The following NKD1 variants were observed in gnomAD, a reference collection of about 807,000 sequenced individuals.
NKD1 encodes protein naked cuticle homolog 1.
A neutral mutation model predicts 56.0 loss-of-function variants in NKD1; 21 were observed. That is an observed-to-expected ratio of 0.38 (90% CI 0.27 to 0.54). The LOEUF (loss-of-function observed/expected upper bound fraction) is 0.54, where lower values mean the gene tolerates loss of function less well. Ranked by LOEUF, NKD1 falls within the 20% of genes least tolerant of loss-of-function variation. The pLI is 0.82. For synonymous variants in NKD1, 263 were observed against 265.7 expected, an observed-to-expected ratio of 0.99 and a Z score of 0.10; for missense variants, 578 against 642.7, an observed-to-expected ratio of 0.90 and a Z score of 1.09.
rs368508924 is a variant in NKD1 at position 50,632,344 on chromosome 16, C to G, written c.759C>G (p.Ile253Met). The change falls in exon 9 of 10, where the codon ATC (isoleucine) becomes ATG (methionine). Residue 253 changes from isoleucine to methionine, a missense_variant. Transcript: ENST00000268459. The surrounding 1 kb of genome is among the most constrained non-coding windows in gnomAD (Gnocchi z 4.1). ...GCYHHCVDEN[I>M]ERRNHYLDLA... ...ACCACCATTGCGTAGATGAGAACAT[C>G]GAGAGGAGAAACCACTACTTAGATC... is the stretch of plus-strand genomic sequence containing the variant. The G allele has an allele frequency of 6.2e-7, 1 of 1,614,008 alleles. No individual in the cohort carries two copies. The highest frequency in any genetic ancestry group is 1.7e-5 in the Admixed American group (1 of 60,012).
intron 3 of NKD1, chr16:50,575,098 T>G (rs1960964750): frequency 1.0e-6 from 1 of 964,440 alleles, no homozygotes; most frequent in East Asian, 1.1e-4. Flanking sequence ...AGTAGGTGTT[T>G]TTTTTTTTTT....
rs138964473 is a variant in NKD1 at position 50,598,262 on chromosome 16, T to TGTGTGTGTGTGTGTGTGTGTGCGCGC, written c.193-10031_193-10030insTGTGTGTGTGTGTGTGTGTGCGCGCG. On this transcript the variant is annotated intron_variant, in intron 3 of 9. Transcript: ENST00000268459. The surrounding 1 kb of genome is among the most constrained non-coding windows in gnomAD (Gnocchi z 4.2). ...GTGTGTGTGTGTGTGTGTGTGTGTG[T>TGTGTGTGTGTGTGTGTGTGTGCGCGC]GCGCGCACACCTGTGCTCATGGACA... Among the ~76,000 whole-genome samples, 9 of 148,670 alleles carry TGTGTGTGTGTGTGTGTGTGTGCGCGC rather than the reference T, an allele frequency of 6.1e-5. No individual in the cohort carries two copies. The highest frequency in any genetic ancestry group is 2.3e-4 in the African/African-American group (9 of 39,162).
intron 4 of NKD1, among the ~76,000 whole-genome samples, chr16:50,619,505 C>T (rs1025331397): frequency 2.6e-5 from 4 of 152,128 alleles, no homozygotes; most frequent in Admixed American, 1.3e-4. Context: ...CAAAGCTGCC[C>T]GCACAGGCTG....
chr16:50,572,640 C>T (rs1257311811), intron 3 of NKD1, among the ~76,000 whole-genome samples: 2 of 152,118 alleles, frequency 1.3e-5, no homozygotes, highest in African/African-American at 4.8e-5. Context: ...AGGGGATCTG[C>T]TGTGGGACTC....
chr16:50,586,690 G>T (rs1032288845), intron 3 of NKD1, among the ~76,000 whole-genome samples: 2 of 152,180 alleles, frequency 1.3e-5, no homozygotes, highest in Admixed American at 6.5e-5. Context: ...AGAGAGAAAA[G>T]TTCAACCCAT....
chr16:50,583,057 CTT>C (rs1474372571), intron 3 of NKD1, among the ~76,000 whole-genome samples: 1 of 152,154 alleles, frequency 6.6e-6, no homozygotes, highest in African/African-American at 2.4e-5. Flanking sequence ...CTGCTACCGA[CTT>C]GGGTGTTAGG....
chr16:50,567,548 T>C (rs1048949322), intron 3 of NKD1, among the ~76,000 whole-genome samples: 1 of 152,194 alleles, frequency 6.6e-6, no homozygotes, highest in African/African-American at 2.4e-5. Context: ...GTGAGTGCCT[T>C]TTACACTCTG....
chr16:50,635,654 C>T lies in NKD1; in HGVS notation c.*1873C>T, dbSNP rs1477236790. The stretch of plus-strand genomic sequence containing the variant: ...AATACATTAATCCTTAGGACAGCCC[C>T]ATGAGGCAGCTTGGTGGCAGCTCAG... On this transcript the variant is annotated 3_prime_UTR_variant, in exon 10 of 10. Transcript: ENST00000268459. This position sits in a 1 kb window ranked among gnomAD's most constrained non-coding sequence, Gnocchi z 4.1. 6.6e-6 allele frequency: 1 copy of T among 152,164 alleles called. No individual in the cohort carries two copies. Among genetic ancestry groups the T allele is most frequent in the South Asian group, 2.1e-4 (1 of 4,824 alleles). The allele number at this position is 152,164 out of a possible 1,614,324, so 9.4% of individuals were successfully genotyped here.
intron 3 of NKD1, chr16:50,607,753 G>A (rs545697069): frequency 7.7e-5 from 12 of 155,270 alleles, no homozygotes; most frequent in African/African-American, 2.9e-4. Context: ...GAACTCTTCT[G>A]GCAGAATACC....
In NKD1 at chr16:50,637,499, C is replaced by CAG. The variant is rs1313600629; in HGVS notation, c.*3722_*3723dup. The CAG allele has an allele frequency of 6.6e-6, 1 of 152,124 alleles. No homozygotes were observed. The highest frequency in any genetic ancestry group is 2.4e-5 in the African/African-American group (1 of 41,410). 9.4% of individuals were successfully genotyped at this position (152,124 alleles called of 1,614,324 possible). ...ACGAGAATCGCTTGAACCTGGGAGG[C>CAG]AGAGATTGCAGTGAGCTAAGATTGC... On this transcript the variant is annotated 3_prime_UTR_variant, in exon 10 of 10. Coordinates refer to ENST00000268459, the MANE Select transcript of NKD1 (RefSeq NM_033119.5).
At chr16:50,603,615 T>C (rs552059425) in intron 3 of NKD1, among the ~76,000 whole-genome samples, 1 of 152,276 alleles carries the variant, frequency 6.6e-6, no homozygotes, top group Admixed American at 6.5e-5. Context: ...AACAGAAAGA[T>C]TGACAAAGCA....
chr16:50,605,471 C>A (rs1411559822), intron 3 of NKD1, among the ~76,000 whole-genome samples: 1 of 152,180 alleles, frequency 6.6e-6, no homozygotes, highest in East Asian at 1.9e-4. Context: ...ACACAGTTGG[C>A]CCTCCTTATC....
chr16:50,590,127 G>T (rs1357207610), intron 3 of NKD1, among the ~76,000 whole-genome samples: 1 of 152,144 alleles, frequency 6.6e-6, no homozygotes, highest in African/African-American at 2.4e-5. Context: ...TTACAGGAAT[G>T]AGCCACTGTG....
At chr16:50,629,151 G>T (rs1392798401) in intron 6 of NKD1, among the ~76,000 whole-genome samples, 6 of 151,636 alleles carry the variant, frequency 4.0e-5, no homozygotes, top group Non-Finnish European at 8.8e-5. Context: ...TTTTATTTTT[G>T]TAGAGAATGT....
chr16:50,562,976 T>G (rs1596707091), intron 3 of NKD1, among the ~76,000 whole-genome samples: 3 of 106,700 alleles, frequency 2.8e-5, no homozygotes, highest in Non-Finnish European at 1.8e-5. Flanking sequence ...GGCTGCTAGG[T>G]CCCACCACCA....
At chr16:50,596,191 A>G (rs569694570) in intron 3 of NKD1, among the ~76,000 whole-genome samples, 3 of 152,206 alleles carry the variant, frequency 2.0e-5, no homozygotes, top group African/African-American at 4.8e-5. Flanking sequence ...GAAGGGAGCA[A>G]TGGGGTCTGG....
chr16:50,625,741 A>AG, intron 6 of NKD1, among the ~76,000 whole-genome samples, 161 bp downstream of exon 6: 1 of 152,140 alleles, frequency 6.6e-6, no homozygotes, highest in East Asian at 1.9e-4. Flanking sequence ...CGAGATCTGG[A>AG]GGGGCATCCC....
At chr16:50,577,620 T>G (rs1961019838) in intron 3 of NKD1, among the ~76,000 whole-genome samples, 1 of 152,242 alleles carries the variant, frequency 6.6e-6, no homozygotes, top group Admixed American at 6.5e-5. Flanking sequence ...CCTATTTATC[T>G]TGCATAACTG....
intron 3 of NKD1, among the ~76,000 whole-genome samples, chr16:50,592,939 C>G (rs780378016): frequency 6.6e-6 from 1 of 152,154 alleles, no homozygotes; most frequent in Non-Finnish European, 1.5e-5. Context: ...CTCCCTTTGT[C>G]TCTCTAAAGT....
Sources: gnomAD v4.1 joint callset for allele counts (sites outside exome capture counted in the v4.1 genomes callset) on GRCh38, gnomAD v4.1.1 for gene constraint, Gnocchi (gnomAD v3.1) non-coding constraint, MANE v1.5 for transcripts, NCBI Gene and HGNC (gene_info 2026-07-23, HGNC 2026-07-21) for gene names.